MTHFD1L: variants seen among roughly 807,000 people sequenced by gnomAD.
MTHFD1L encodes the protein methylenetetrahydrofolate dehydrogenase (NADP+ dependent) 1 like.
MTHFD1L carries 81 observed loss-of-function variants against 119.5 expected under a neutral mutation model. That is an observed-to-expected ratio of 0.68 (90% CI 0.57 to 0.82). The LOEUF (loss-of-function observed/expected upper bound fraction) is 0.82, where lower values mean the gene tolerates loss of function less well. Among genes scored for constraint, MTHFD1L ranks in the 40% least tolerant of loss-of-function variants. MTHFD1L has a pLI of 0.00. For missense variants in MTHFD1L, 1,125 were observed against 1,253.4 expected (o/e 0.90, Z 1.55); for synonymous variants, 430 against 475.2 (o/e 0.90, Z 1.24).
chr6:150,929,580 G>A (rs1190903103), intron 11 of MTHFD1L, among the ~76,000 whole-genome samples: 1 of 152,192 alleles, frequency 6.6e-6, no homozygotes, highest in African/African-American at 2.4e-5. Flanking sequence ...ACAAAGCTGG[G>A]CCTCCAGCCT....
intron 1 of MTHFD1L, among the ~76,000 whole-genome samples, chr6:150,868,401 G>A (rs1017831206): frequency 4.0e-5 from 6 of 149,596 alleles, no homozygotes; most frequent in Non-Finnish European, 5.9e-5. Context: ...GTGCAGTGGC[G>A]GGATCTCGGC....
intron 2 of MTHFD1L, among the ~76,000 whole-genome samples, chr6:150,876,593 C>G (rs917557223): frequency 6.6e-6 from 1 of 152,196 alleles, no homozygotes; most frequent in Non-Finnish European, 1.5e-5. Flanking sequence ...TTAAAACCTG[C>G]CATAAACTTA....
intron 1 of MTHFD1L, 135 bp from the exon 2 acceptor site, chr6:150,875,955 G>A: frequency 1.4e-6 from 1 of 703,982 alleles, no homozygotes; most frequent in South Asian, 1.7e-5. Flanking sequence ...CCTCCACAGT[G>A]TACACTTGGA....
At chr6:150,928,568 T>C (rs1253509515) in intron 11 of MTHFD1L, among the ~76,000 whole-genome samples, 1 of 151,516 alleles carries the variant, frequency 6.6e-6, no homozygotes, top group African/African-American at 2.4e-5. Flanking sequence ...TTTTTTTTTT[T>C]TGAGATGAAG....
intron 24 of MTHFD1L, among the ~76,000 whole-genome samples, chr6:151,016,994 C>T (rs1219407494): frequency 6.7e-6 from 1 of 148,596 alleles, no homozygotes; most frequent in East Asian, 2.0e-4. Context: ...GGGCTGGTCT[C>T]GAACTCCTGA....
chr6:150,956,240 G>A (rs1174853796), intron 17 of MTHFD1L, among the ~76,000 whole-genome samples, 169 bp downstream of exon 17: 2 of 152,192 alleles, frequency 1.3e-5, no homozygotes, highest in Non-Finnish European at 2.9e-5. Flanking sequence ...AGACATAGAG[G>A]CTCCAGTGTC....
At chr6:151,032,699 T>C (rs1785516902) in intron 24 of MTHFD1L, among the ~76,000 whole-genome samples, 1 of 152,236 alleles carries the variant, frequency 6.6e-6, no homozygotes, top group Non-Finnish European at 1.5e-5. Flanking sequence ...TTAAGTCTCC[T>C]CATCCATGAG....
intron 20 of MTHFD1L, among the ~76,000 whole-genome samples, chr6:150,984,501 G>A (rs1215091556): frequency 6.7e-6 from 1 of 149,660 alleles, no homozygotes; most frequent in Non-Finnish European, 1.5e-5. Flanking sequence ...GGTGCACTGG[G>A]AATAGTAAGC....
At position 150,944,491 on chromosome 6, in the gene MTHFD1L, C is replaced by T. The variant is rs1330720171; in HGVS notation, c.1446C>T (p.Asn482=). The T allele has an allele frequency of 3.1e-6, 5 of 1,610,214 alleles. No homozygotes were observed. The highest frequency in any genetic ancestry group is 4.2e-6 in the Non-Finnish European group (5 of 1,176,894). ...AAGATATCTTATTTCTCTAGTTCAA[C>T]CTTCACTTGACTGGAGACATCCACG... ...YAQVIPMEEF[N]LHLTGDIHAI... Residue 482 remains asparagine, a synonymous_variant, in exon 14 of 28, where the codon AAC becomes AAT. Coordinates refer to ENST00000367321, the MANE Select transcript of MTHFD1L (RefSeq NM_015440.5).
chr6:151,085,537 G>A (rs1000710549), intron 26 of MTHFD1L, among the ~76,000 whole-genome samples: 3 of 152,160 alleles, frequency 2.0e-5, no homozygotes, highest in Non-Finnish European at 4.4e-5. Flanking sequence ...TTGGGAAGCC[G>A]AGGCGGGTGG....
chr6:150,896,027 A>G (rs1023960798), intron 7 of MTHFD1L, among the ~76,000 whole-genome samples: 1 of 152,188 alleles, frequency 6.6e-6, no homozygotes, highest in Non-Finnish European at 1.5e-5. Context: ...TCCCCACATT[A>G]CAGATGAGGA....
chr6:150,869,101 T>A (rs1380695500), intron 1 of MTHFD1L, among the ~76,000 whole-genome samples: 2 of 152,196 alleles, frequency 1.3e-5, no homozygotes, highest in Non-Finnish European at 2.9e-5. Context: ...GGTATGTACA[T>A]TTTTTAGACA....
At chr6:150,948,885 C>T in intron 15 of MTHFD1L, 146 bp from the exon 16 acceptor site, 3 of 604,112 alleles carry the variant, frequency 5.0e-6, no homozygotes, top group Non-Finnish European at 5.8e-6. Context: ...AGGTGATCTG[C>T]CCACCTTGGC....
chr6:150,889,920 G>A (rs149169114), intron 7 of MTHFD1L, among the ~76,000 whole-genome samples: 1 of 152,236 alleles, frequency 6.6e-6, no homozygotes, highest in East Asian at 1.9e-4. Context: ...ACTTTGGGAG[G>A]CTGAGGCAGG....
At position 150,905,739 on chromosome 6, in the gene MTHFD1L, C is replaced by T; in HGVS notation, c.870C>T (p.Asn290=). 1 of 1,613,964 alleles carries T rather than the reference C, an allele frequency of 6.2e-7. No individual in the cohort carries two copies. Residue 290 remains asparagine (N), a synonymous_variant, in exon 8 of 28, where the codon AAC becomes AAT. Coordinates refer to ENST00000367321, the MANE Select transcript of MTHFD1L (RefSeq NM_015440.5). ...TWIQPGTTVL[N]CSHDFLSGKV... ...TACAACCAGGAACTACTGTTCTCAACTGCTCCCATGACTTCCTGTCAGGTA... is the reference window on the plus strand; with the variant it reads ...TACAACCAGGAACTACTGTTCTCAATTGCTCCCATGACTTCCTGTCAGGTA...
intron 20 of MTHFD1L, among the ~76,000 whole-genome samples, chr6:150,984,428 C>CT (rs1583956132): frequency 6.6e-6 from 1 of 151,968 alleles, no homozygotes; most frequent in East Asian, 1.9e-4. Context: ...CTTTTTCCCC[C>CT]CTTTATTCAG....
chr6:150,937,339 G>A (rs761276872), intron 12 of MTHFD1L, among the ~76,000 whole-genome samples: 4 of 152,146 alleles, frequency 2.6e-5, no homozygotes, highest in Admixed American at 6.5e-5. Flanking sequence ...TGCTGTGTGG[G>A]GCCCGCAGAG....
At chr6:150,870,185 T>C (rs1469959726) in intron 1 of MTHFD1L, among the ~76,000 whole-genome samples, 1 of 152,232 alleles carries the variant, frequency 6.6e-6, no homozygotes, top group Non-Finnish European at 1.5e-5. Flanking sequence ...GAGCTCACAT[T>C]CCTTCCCACT....
chr6:150,871,749 A>G (rs1309992552), intron 1 of MTHFD1L, among the ~76,000 whole-genome samples: 2 of 149,806 alleles, frequency 1.3e-5, no homozygotes, highest in African/African-American at 2.4e-5. Flanking sequence ...TGATCCGCCC[A>G]CTTCGGCCTC....
Sources: gnomAD v4.1 joint callset for allele counts (sites outside exome capture counted in the v4.1 genomes callset) on GRCh38, gnomAD v4.1.1 for gene constraint, MANE v1.5 for transcripts, NCBI Gene and HGNC (gene_info 2026-07-23, HGNC 2026-07-21) for gene names.